FAM98B: variants seen among roughly 807,000 people sequenced by gnomAD.
FAM98B encodes the protein tRNA splicing ligase complex subunit 3B.
FAM98B carries 32 observed loss-of-function variants against 43.9 expected under a neutral mutation model. The observed-to-expected ratio is 0.73, with a 90% confidence interval of 0.55 to 0.98. The LOEUF (loss-of-function observed/expected upper bound fraction) is 0.98. FAM98B is among the 50% of genes least tolerant of loss of function. The probability of loss-of-function intolerance (pLI) is 0.00; values close to 1 mark genes in which losing one functional copy is unlikely to be tolerated. For missense variants in FAM98B, 514 were observed against 522.9 expected, an observed-to-expected ratio of 0.98 and a Z score of 0.17; for synonymous variants, 190 against 174.0, an observed-to-expected ratio of 1.09 and a Z score of -0.72.
intron 3 of FAM98B, among the ~76,000 whole-genome samples, chr15:38,467,648 C>T (rs1890058019): frequency 6.6e-6 from 1 of 152,030 alleles, no homozygotes; most frequent in Non-Finnish European, 1.5e-5. Flanking sequence ...TTTGACTTGG[C>T]AATTGTTTGT....
chr15:38,471,677 A>G (rs114980278), intron 4 of FAM98B, among the ~76,000 whole-genome samples: 106 of 152,244 alleles, frequency 7.0e-4, no homozygotes, highest in African/African-American at 2.5e-3. Context: ...TTTTTAACCA[A>G]AAGTAAACAT....
At chr15:38,458,824 C>T in intron 1 of FAM98B, 1 of 481,712 alleles carries the variant, frequency 2.1e-6, no homozygotes, top group Non-Finnish European at 4.2e-6. Context: ...GGAACAGGTT[C>T]AGCAACTCAG....
At chr15:38,459,433 A>G in intron 1 of FAM98B, 1 of 367,004 alleles carries the variant, frequency 2.7e-6, no homozygotes, top group South Asian at 2.2e-5. Context: ...GGCCTTGAAG[A>G]TGTTATATCC....
intron 1 of FAM98B, among the ~76,000 whole-genome samples, chr15:38,460,659 T>A (rs957459246): frequency 6.6e-6 from 1 of 152,222 alleles, no homozygotes; most frequent in Non-Finnish European, 1.5e-5. Context: ...CAGAATATAC[T>A]TAGACACTTC....
intron 6 of FAM98B, among the ~76,000 whole-genome samples, chr15:38,477,898 A>G (rs1291785338): frequency 6.6e-6 from 1 of 152,238 alleles, no homozygotes; most frequent in East Asian, 1.9e-4. Context: ...GCTTACCTCA[A>G]GAAATGGAAT....
At position 38,454,224 on chromosome 15, in the gene FAM98B, G is replaced by T; in HGVS notation, c.63G>T (p.Glu21Asp). Residue 21 changes from glutamate to aspartate, a missense_variant, in exon 1 of 8, where the codon GAG becomes GAT. Glu to Asp is a conservative substitution (Grantham distance 45, BLOSUM62 2). Coordinates refer to ENST00000397609, the MANE Select transcript of FAM98B (RefSeq NM_173611.4). ...TMEGDVLDTLEALGYKGPLLE... is the reference protein window; with the variant it reads ...TMEGDVLDTLDALGYKGPLLE... ...AGGGAGACGTGCTGGACACACTGGA[G>T]GCGCTGGGGTGAGTGCTTTTGGAGA... 6.2e-7 allele frequency: 1 copy of T among 1,602,680 alleles called. No individual in the cohort carries two copies. The highest frequency in any genetic ancestry group is 8.5e-7 in the Non-Finnish European group (1 of 1,175,956).
chr15:38,478,190 C>G (rs973554189), intron 6 of FAM98B, among the ~76,000 whole-genome samples: 1 of 152,128 alleles, frequency 6.6e-6, no homozygotes, highest in African/African-American at 2.4e-5. Flanking sequence ...TGTTTGACCC[C>G]TGAACTGGAC....
chr15:38,481,352 A>G lies in FAM98B; in HGVS notation c.790A>G (p.Thr264Ala). ...TAAGCGTTATGCTTTGTCACCCAAG[A>G]CAACGATTACAATGGCACATCTACT... ...QPKRYALSPK[T>A]TITMAHLLAA... The change falls in exon 7 of 8, where the codon ACA becomes GCA. Residue 264 changes from threonine to alanine, a missense_variant. Thr to Ala is a moderately conservative substitution (Grantham distance 58). Transcript: ENST00000397609. The G allele has an allele frequency of 6.2e-7, 1 of 1,614,186 alleles. No individual in the cohort carries two copies. Among genetic ancestry groups the G allele is most frequent in the Non-Finnish European group, 8.5e-7 (1 of 1,180,022 alleles).
At chr15:38,474,357 T>C in intron 6 of FAM98B, 59 bp downstream of exon 6, 1 of 1,196,532 alleles carries the variant, frequency 8.4e-7, no homozygotes. Flanking sequence ...CTCTTCTGGC[T>C]TGCTTGTCTG....
At chr15:38,466,348 G>C (rs964815545) in intron 3 of FAM98B, among the ~76,000 whole-genome samples, 6 of 152,086 alleles carry the variant, frequency 3.9e-5, no homozygotes, top group Non-Finnish European at 7.4e-5. Context: ...GTGAGTCACT[G>C]ATTTAATGAA....
chr15:38,458,768 A>G (rs953714894), intron 1 of FAM98B: 13 of 379,802 alleles, frequency 3.4e-5, no homozygotes, highest in Non-Finnish European at 6.7e-5. Context: ...GCCTGCCCCT[A>G]CCCAAGGCTG....
In FAM98B at chr15:38,477,840, G is replaced by A. The variant is rs192132827; in HGVS notation, c.730-3452G>A. On this transcript the variant is annotated intron_variant, in intron 6 of 7. Transcript: ENST00000397609. ...AGTAACTGCTTTGTGCAAGAAGCTC[G>A]AGTGCTGTTAAGAGCTGTAAGTTAC... 1.7e-4 allele frequency among the ~76,000 whole-genome samples: 26 copies of A among 152,286 alleles called. No individual in the cohort carries two copies. In the East Asian group the frequency reaches 2.5e-3, roughly 15 times the overall value.
At chr15:38,473,394 T>C in intron 4 of FAM98B, 111 bp from the exon 5 acceptor site, 1 of 706,530 alleles carries the variant, frequency 1.4e-6, no homozygotes, top group Non-Finnish European at 2.3e-6. Context: ...ATTTTAATTA[T>C]GTCACTTTAA....
intron 1 of FAM98B, among the ~76,000 whole-genome samples, chr15:38,454,546 C>A (rs566537549): frequency 6.6e-6 from 1 of 152,348 alleles, no homozygotes; most frequent in South Asian, 2.1e-4. Flanking sequence ...TAGCTCGCGC[C>A]CGCAGGTGAT....
intron 3 of FAM98B, among the ~76,000 whole-genome samples, chr15:38,466,486 T>A (rs1383361921): frequency 6.6e-6 from 1 of 152,170 alleles, no homozygotes; most frequent in Non-Finnish European, 1.5e-5. Context: ...TCCATCATGG[T>A]TCCCTTTCTC....
In FAM98B at chr15:38,481,169, G is replaced by A; in HGVS notation, c.730-123G>A. On this transcript the variant is annotated intron_variant, in intron 6 of 7. Coordinates refer to ENST00000397609, the MANE Select transcript of FAM98B (RefSeq NM_173611.4). ...AATTCTCAGATATTTGGGTGTTTTT[G>A]CTCTTTTCTAACTCCTTGCTTATGC... 5.6e-6 allele frequency: 4 copies of A among 713,614 alleles called. No individual in the cohort carries two copies. The South Asian group carries it at 9.1e-5, about 16-fold the overall frequency. 44.2% of individuals were successfully genotyped at this position (713,614 alleles called of 1,614,324 possible).
intron 3 of FAM98B, among the ~76,000 whole-genome samples, chr15:38,466,117 T>A (rs922226000): frequency 6.6e-6 from 1 of 152,058 alleles, no homozygotes; most frequent in African/African-American, 2.4e-5. Flanking sequence ...ATAAAAAGAT[T>A]ACACGTGACA....
chr15:38,463,348 G>T (rs1309258895), intron 1 of FAM98B, among the ~76,000 whole-genome samples: 1 of 151,908 alleles, frequency 6.6e-6, no homozygotes, highest in African/African-American at 2.4e-5. Flanking sequence ...AACATTAGCT[G>T]GGTGTGGTGG....
Position 38,486,451 on chromosome 15 carries a change from T to A in FAM98B, c.*1792T>A, listed in dbSNP as rs1223592738. 1 of 152,160 alleles carries A rather than the reference T, an allele frequency of 6.6e-6. No individual in the cohort carries two copies. Among genetic ancestry groups the A allele is most frequent in the African/African-American group, 2.4e-5 (1 of 41,466 alleles). The allele number at this position is 152,160 out of a possible 1,614,324, so 9.4% of individuals were successfully genotyped here. On this transcript the variant is annotated 3_prime_UTR_variant, in exon 8 of 8. Coordinates refer to ENST00000397609, the MANE Select transcript of FAM98B (RefSeq NM_173611.4). ...TCACTTCTTTTTTGGTAGCATTAGT[T>A]GCTGATGAAGGAGATTTACAACTAC...
Sources: allele counts gnomAD v4.1 joint callset (sites outside exome capture counted in the v4.1 genomes callset), GRCh38; gene constraint gnomAD v4.1.1; transcripts MANE v1.5; gene names NCBI Gene and HGNC (gene_info 2026-07-23, HGNC 2026-07-21).